OPCML: variants seen among roughly 807,000 people sequenced by gnomAD.
OPCML encodes the protein opioid binding protein/cell adhesion molecule like, also known as opioid-binding protein/cell adhesion molecule.
A neutral mutation model predicts 37.8 loss-of-function variants in OPCML; 13 were observed. The observed-to-expected ratio is 0.34, with a 90% CI of 0.22 to 0.55. OPCML has a LOEUF of 0.55. Ranked by LOEUF, OPCML falls within the 20% of genes least tolerant of loss-of-function variation. OPCML has a pLI of 0.91. For synonymous variants in OPCML, 176 were observed against 168.8 expected, an observed-to-expected ratio of 1.04 and a Z score of -0.33; for missense variants, 341 against 435.6, an observed-to-expected ratio of 0.78 and a Z score of 1.93.
chr11:133,092,970 C>T (rs1262537129), intron 1 of OPCML, among the ~76,000 whole-genome samples: 1 of 152,120 alleles, frequency 6.6e-6, no homozygotes, highest in Non-Finnish European at 1.5e-5. Flanking sequence ...ATCCAGTGTT[C>T]ATCTAATAAA....
At chr11:133,046,196 TGAG>T (rs890039934) in intron 1 of OPCML, among the ~76,000 whole-genome samples, 4 of 152,180 alleles carry the variant, frequency 2.6e-5, no homozygotes, top group African/African-American at 9.7e-5. Context: ...CTGGGAAAGC[TGAG>T]GAGGAGAACA....
In OPCML at chr11:132,933,070, C is replaced by A. The variant is rs115740779; in HGVS notation, c.146+9856G>T. Among the ~76,000 whole-genome samples, 903 of 152,238 alleles carry A rather than the reference C, an allele frequency of 5.9e-3. 9 individuals are homozygous for A. The highest frequency in any genetic ancestry group is 0.021 in the African/African-American group (863 of 41,542). On this transcript the variant is annotated intron_variant, in intron 2 of 7. Transcript: ENST00000524381. ...CCCATCATAAAGCAGAGCATATAAT[C>A]AAGGACATTCTATGAACTGTTTCCA... is the stretch of plus-strand genomic sequence containing the variant.
At chr11:133,267,836 C>T (rs1210094311) in intron 1 of OPCML, among the ~76,000 whole-genome samples, 1 of 152,186 alleles carries the variant, frequency 6.6e-6, no homozygotes, top group Non-Finnish European at 1.5e-5. Flanking sequence ...CGCTCTCTTG[C>T]CTGCCACCAT....
At chr11:133,110,624 C>T (rs1259638192) in intron 1 of OPCML, among the ~76,000 whole-genome samples, 1 of 152,156 alleles carries the variant, frequency 6.6e-6, no homozygotes, top group Non-Finnish European at 1.5e-5. Context: ...TGACTGGGAG[C>T]AAGTGCATCT....
chr11:132,930,757 A>G (rs2136628549), intron 2 of OPCML, among the ~76,000 whole-genome samples: 1 of 152,334 alleles, frequency 6.6e-6, no homozygotes, highest in Admixed American at 6.5e-5. Flanking sequence ...GGTAGACTTA[A>G]TATAGTTAAT....
chr11:133,052,486 G>T (rs533844121), intron 1 of OPCML, among the ~76,000 whole-genome samples: 1 of 152,200 alleles, frequency 6.6e-6, no homozygotes, highest in Non-Finnish European at 1.5e-5. Context: ...ACTGTCTGCA[G>T]GAGACTTCAT....
chr11:132,492,250 G>T (rs928846413), intron 4 of OPCML, among the ~76,000 whole-genome samples: 1 of 152,046 alleles, frequency 6.6e-6, no homozygotes, highest in Admixed American at 6.6e-5. Flanking sequence ...TGGAGCAAAA[G>T]GTGGGCATGA....
intron 1 of OPCML, among the ~76,000 whole-genome samples, chr11:133,390,440 G>C (rs903370894): frequency 6.6e-6 from 1 of 152,136 alleles, no homozygotes; most frequent in Admixed American, 6.5e-5. Flanking sequence ...TCCAGCCCGG[G>C]TGACAGAACA....
chr11:132,872,597 A>G (rs920620293), intron 2 of OPCML, among the ~76,000 whole-genome samples: 2 of 152,158 alleles, frequency 1.3e-5, no homozygotes, highest in Middle Eastern at 3.2e-3. Context: ...CCCAGTTTAT[A>G]GAAAGGACTC....
At chr11:132,733,453 T>A (rs2917574) in intron 2 of OPCML, among the ~76,000 whole-genome samples, 104,057 of 151,932 alleles carry the variant, frequency 0.68, 36,323 homozygotes, top group African/African-American at 0.8. Context: ...AGCTGAGAGG[T>A]ATTAGAAGAT....
intron 2 of OPCML, among the ~76,000 whole-genome samples, chr11:132,861,063 A>C (rs1408838439): frequency 6.6e-6 from 1 of 152,262 alleles, no homozygotes; most frequent in East Asian, 1.9e-4. Context: ...ATCTCATTTA[A>C]TCCCACCAAC....
chr11:132,509,560 G>A (rs2096264382), intron 4 of OPCML, among the ~76,000 whole-genome samples: 1 of 152,168 alleles, frequency 6.6e-6, no homozygotes, highest in South Asian at 2.1e-4. Flanking sequence ...TGCAGCCTAG[G>A]GACTTGGTGC....
chr11:132,663,864 ACT>A (rs1463881308), intron 2 of OPCML, among the ~76,000 whole-genome samples: 1 of 151,870 alleles, frequency 6.6e-6, no homozygotes, highest in African/African-American at 2.4e-5. Flanking sequence ...ACGGAGTCTC[ACT>A]CTGTCGCCCA....
At chr11:132,513,078 T>C (rs556133424) in intron 4 of OPCML, among the ~76,000 whole-genome samples, 5 of 152,150 alleles carry the variant, frequency 3.3e-5, no homozygotes, top group Non-Finnish European at 5.9e-5. Context: ...CCTCATTACA[T>C]ATCAAGGTAT....
chr11:132,490,106 T>C (rs2096211250), intron 4 of OPCML, among the ~76,000 whole-genome samples: 1 of 151,972 alleles, frequency 6.6e-6, no homozygotes, highest in African/African-American at 2.4e-5. Flanking sequence ...GGCATTTGGG[T>C]TGGTTCCAAG....
intron 1 of OPCML, among the ~76,000 whole-genome samples, chr11:132,972,121 G>A (rs900908784): frequency 2.0e-5 from 3 of 152,110 alleles, no homozygotes; most frequent in Non-Finnish European, 4.4e-5. Context: ...CCTGGTCCAG[G>A]CAGCTTCCCA....
intron 2 of OPCML, among the ~76,000 whole-genome samples, chr11:132,744,246 C>G (rs1381364454): frequency 6.6e-6 from 1 of 152,168 alleles, no homozygotes; most frequent in Non-Finnish European, 1.5e-5. Context: ...AGGGGGGACT[C>G]CTGGCCCATT....
At chr11:132,881,179 G>C (rs1001423184) in intron 2 of OPCML, among the ~76,000 whole-genome samples, 1 of 152,198 alleles carries the variant, frequency 6.6e-6, no homozygotes, top group South Asian at 2.1e-4. Flanking sequence ...ATTTAGGAGA[G>C]GATGAGATCT....
At chr11:132,818,612 A>AGATAGATAGAT (rs1565886089) in intron 2 of OPCML, among the ~76,000 whole-genome samples, 13 of 46,582 alleles carry the variant, frequency 2.8e-4, no homozygotes, top group Non-Finnish European at 6.2e-4. Context: ...GATAGATGAT[A>AGATAGATAGAT]GATAGATAGA....
Sources: allele counts gnomAD v4.1 joint callset (sites outside exome capture counted in the v4.1 genomes callset), GRCh38; gene constraint gnomAD v4.1.1; transcripts MANE v1.5; gene names NCBI Gene and HGNC (gene_info 2026-07-23, HGNC 2026-07-21).